The following RNF121 variants were observed in gnomAD, a reference collection of about 807,000 sequenced individuals.
RNF121 encodes ring finger protein 121.
Under a neutral mutation model 46.5 loss-of-function variants are expected in RNF121, and 21 were observed. That is an observed-to-expected ratio of 0.45 (90% CI 0.32 to 0.65). The LOEUF is 0.65. Among genes scored for constraint, RNF121 ranks in the 30% least tolerant of loss-of-function variants. The pLI is 0.04. For missense variants in RNF121, 346 were observed against 416.0 expected, an observed-to-expected ratio of 0.83 and a Z score of 1.46; for synonymous variants, 139 against 144.7, an observed-to-expected ratio of 0.96 and a Z score of 0.28.
At chr11:71,938,405 C>T (rs575363078) in intron 1 of RNF121, among the ~76,000 whole-genome samples, 1 of 148,174 alleles carries the variant, frequency 6.7e-6, no homozygotes, top group South Asian at 2.1e-4. Flanking sequence ...CCATAACCTC[C>T]GCCTCCTGGG....
Position 71,949,500 on chromosome 11 carries a change from A to G in RNF121, c.64-7727A>G, listed in dbSNP as rs563913885. ...GAGGCCCAGGCAGGCAGATCACTTG[A>G]GGTCAGGAGTTCAAGACCAACCTGG... On this transcript the variant is annotated intron_variant, in intron 1 of 8. Transcript: ENST00000361756. Among the ~76,000 whole-genome samples, 11 of 152,186 alleles carry G rather than the reference A, an allele frequency of 7.2e-5. No homozygotes were observed. In the South Asian group the frequency reaches 1.5e-3, roughly 20 times the overall value.
intron 3 of RNF121, among the ~76,000 whole-genome samples, chr11:71,967,398 G>A (rs1394924455): frequency 1.7e-5 from 2 of 118,046 alleles, no homozygotes; most frequent in Non-Finnish European, 1.6e-5. Context: ...CACCCAGGCT[G>A]GAGTGCAATG....
intron 1 of RNF121, among the ~76,000 whole-genome samples, chr11:71,932,565 C>T (rs1198116263): frequency 2.0e-5 from 3 of 152,152 alleles, no homozygotes. Flanking sequence ...TTCAAAAGAG[C>T]ATTTTGAATC....
intron 1 of RNF121, among the ~76,000 whole-genome samples, chr11:71,934,845 C>G (rs1171569500): frequency 6.6e-6 from 1 of 151,770 alleles, no homozygotes; most frequent in Non-Finnish European, 1.5e-5. Flanking sequence ...GAGAAGGATT[C>G]TGAGGCCAGG....
At chr11:71,977,406 G>A (rs939865515) in intron 3 of RNF121, among the ~76,000 whole-genome samples, 2 of 152,218 alleles carry the variant, frequency 1.3e-5, no homozygotes, top group Non-Finnish European at 2.9e-5. Context: ...GTCAGGTAGT[G>A]TTGATTCCAT....
At position 71,994,811 on chromosome 11, in the gene RNF121, G is replaced by C; in HGVS notation, c.720G>C (p.Glu240Asp). Residue 240 changes from glutamate (E) to aspartate (D), a missense_variant, in exon 7 of 9, where the codon GAG becomes GAC. By Grantham distance (45) the Glu-to-Asp change is conservative (BLOSUM62 2). Around this residue, in one of 2 missense-constraint regions of RNF121, gnomAD observed 286 missense variants for 383.8 expected, o/e 0.75. Coordinates refer to ENST00000361756, the MANE Select transcript of RNF121 (RefSeq NM_018320.5). Reference protein sequence around the residue: ...GQQIFVDVSEEGIIENTYRLS... With the variant: ...GQQIFVDVSEDGIIENTYRLS... ...AGATCTTTGTGGACGTCAGTGAAGA[G>C]GGGATCATTGAGAACACGTATAGGC... The C allele has an allele frequency of 1.2e-6, 2 of 1,614,212 alleles. No homozygotes were observed. The highest frequency in any genetic ancestry group is 1.7e-6 in the Non-Finnish European group (2 of 1,180,042).
At chr11:71,981,947 G>A (rs1189882378) in intron 3 of RNF121, among the ~76,000 whole-genome samples, 2 of 152,116 alleles carry the variant, frequency 1.3e-5, no homozygotes, top group Non-Finnish European at 2.9e-5. Flanking sequence ...AATGCGTTTG[G>A]AGCACTAGAA....
At chr11:71,949,706 C>T (rs1441558113) in intron 1 of RNF121, among the ~76,000 whole-genome samples, 1 of 151,220 alleles carries the variant, frequency 6.6e-6, no homozygotes, top group Admixed American at 6.6e-5. Flanking sequence ...TCTCAAAACA[C>T]ATGCACACGG....
At chr11:71,968,737 A>T (rs1291642354) in intron 3 of RNF121, among the ~76,000 whole-genome samples, 1 of 152,124 alleles carries the variant, frequency 6.6e-6, no homozygotes, top group Non-Finnish European at 1.5e-5. Flanking sequence ...GTGCTCAGTT[A>T]TATTGTTTCC....
At chr11:71,989,778 A>C (rs189003747) in intron 5 of RNF121, among the ~76,000 whole-genome samples, 144 of 152,300 alleles carry the variant, frequency 9.5e-4, no homozygotes, top group Non-Finnish European at 1.7e-3. Context: ...TGATGATATG[A>C]TACAGATTAT....
chr11:71,979,576 A>G (rs1954601981), intron 3 of RNF121, among the ~76,000 whole-genome samples: 1 of 152,200 alleles, frequency 6.6e-6, no homozygotes, highest in Non-Finnish European at 1.5e-5. Flanking sequence ...TTCATTCCTC[A>G]TGCCCCGACT....
chr11:71,938,908 CT>C (rs554057097), intron 1 of RNF121: 9 of 149,748 alleles, frequency 6.0e-5, no homozygotes, highest in South Asian at 2.1e-4. Context: ...CATCTAAACT[CT>C]TTTTTTTTTC....
intron 3 of RNF121, among the ~76,000 whole-genome samples, chr11:71,980,311 G>A (rs1954622554): frequency 6.6e-6 from 1 of 151,224 alleles, no homozygotes; most frequent in African/African-American, 2.4e-5. Context: ...GTTCTGTTCT[G>A]TTCTCTTCTC....
At chr11:71,961,716 T>C (rs1954138028) in intron 3 of RNF121, among the ~76,000 whole-genome samples, 1 of 152,158 alleles carries the variant, frequency 6.6e-6, no homozygotes, top group Non-Finnish European at 1.5e-5. Context: ...AGACAGAAAT[T>C]GGCAGATTGG....
intron 3 of RNF121, among the ~76,000 whole-genome samples, chr11:71,967,067 T>C (rs939034958): frequency 1.5e-4 from 22 of 147,850 alleles, no homozygotes; most frequent in African/African-American, 4.7e-4. Flanking sequence ...GAGACGGGGT[T>C]TCACCTTGTT....
At chr11:71,985,334 T>G (rs2134210027) in intron 4 of RNF121, among the ~76,000 whole-genome samples, 1 of 152,096 alleles carries the variant, frequency 6.6e-6, no homozygotes, top group South Asian at 2.1e-4. Flanking sequence ...GGTAGCAGGG[T>G]TTTCCTGTTT....
intron 3 of RNF121, among the ~76,000 whole-genome samples, chr11:71,965,186 T>C (rs2134182634): frequency 6.6e-6 from 1 of 152,278 alleles, no homozygotes; most frequent in South Asian, 2.1e-4. Flanking sequence ...TTTCACCTAA[T>C]ACTATCTCTC....
At chr11:71,950,539 A>G (rs1279877408) in intron 1 of RNF121, among the ~76,000 whole-genome samples, 3 of 151,296 alleles carry the variant, frequency 2.0e-5, no homozygotes, top group Admixed American at 6.6e-5. Flanking sequence ...AACCGAGATC[A>G]TGCCATCGCA....
At chr11:71,929,208 G>A (rs939764381) in intron 1 of RNF121, 84 bp downstream of exon 1, 3 of 1,491,246 alleles carry the variant, frequency 2.0e-6, no homozygotes, top group Non-Finnish European at 2.7e-6. Context: ...GGGGTCTTAG[G>A]AGAGAAGGGA....
Sources: gnomAD v4.1 joint callset for allele counts (sites outside exome capture counted in the v4.1 genomes callset) on GRCh38, gnomAD v4.1.1 for gene constraint, gnomAD v4.1.1 regional missense constraint, MANE v1.5 for transcripts, NCBI Gene and HGNC (gene_info 2026-07-23, HGNC 2026-07-21) for gene names.